The following ADGRF5 variants were observed in gnomAD, a reference collection of about 807,000 sequenced individuals.
ADGRF5 encodes the protein G-protein coupled receptor 116.
A neutral mutation model predicts 132.3 loss-of-function variants in ADGRF5; 75 were observed. That is an observed-to-expected ratio of 0.57 (90% CI 0.47 to 0.69). The LOEUF is 0.69. ADGRF5 is among the 30% of genes least tolerant of loss of function. ADGRF5 has a pLI of 0.00. For missense variants in ADGRF5, 1,516 were observed against 1,630.6 expected, an observed-to-expected ratio of 0.93 and a Z score of 1.21; for synonymous variants, 629 against 597.6, an observed-to-expected ratio of 1.05 and a Z score of -0.77.
chr6:46,869,944 TA>T (rs1331136702), intron 11 of ADGRF5, among the ~76,000 whole-genome samples: 1 of 152,036 alleles, frequency 6.6e-6, no homozygotes, highest in Non-Finnish European at 1.5e-5. Flanking sequence ...AAAATATTAA[TA>T]AGACTATTAC....
chr6:46,872,896 C>T (rs1000127794), intron 10 of ADGRF5, among the ~76,000 whole-genome samples: 4 of 152,102 alleles, frequency 2.6e-5, no homozygotes, highest in African/African-American at 4.8e-5. Flanking sequence ...CTTTTTCAGC[C>T]GTGGCTGATC....
At chr6:46,884,958 T>C (rs190356156) in intron 4 of ADGRF5, among the ~76,000 whole-genome samples, 268 of 152,202 alleles carry the variant, frequency 1.8e-3, no homozygotes, top group Non-Finnish European at 2.7e-3. Flanking sequence ...ATCCCAGCAC[T>C]TGGGAGGCCA....
intron 1 of ADGRF5, chr6:46,909,164 C>G (rs1217286501): frequency 2.6e-5 from 4 of 152,066 alleles, no homozygotes; most frequent in Non-Finnish European, 4.4e-5. Flanking sequence ...AAATATGGAG[C>G]AGCATCCCAT....
intron 3 of ADGRF5, among the ~76,000 whole-genome samples, chr6:46,897,569 A>G (rs1581904833): frequency 6.6e-6 from 1 of 152,016 alleles, no homozygotes; most frequent in Non-Finnish European, 1.5e-5. Context: ...TTTCCTGGAG[A>G]GTCGTGTTCT....
rs1355801633 is a variant in ADGRF5 at position 46,853,896 on chromosome 6, G to T, written c.*96C>A. 9.7e-5 allele frequency: 79 copies of T among 816,802 alleles called. No homozygotes were observed. In the East Asian group the frequency reaches 2.2e-3, roughly 23 times the overall value. The allele number at this position is 816,802 out of a possible 1,614,324, so 50.6% of individuals were successfully genotyped here. A position where few individuals can be genotyped will look rare whatever the true frequency, so the allele number is the denominator to read the frequency against. ...TTTTGGCATCTGCTCCCGGAAACCT[G>T]CCCCGAGAACACGTTCCCCATTGCT... On this transcript the variant is annotated 3_prime_UTR_variant, in exon 21 of 21. Transcript: ENST00000283296.
At chr6:46,864,738 A>G (rs1770205347) in intron 14 of ADGRF5, among the ~76,000 whole-genome samples, 1 of 151,982 alleles carries the variant, frequency 6.6e-6, no homozygotes, top group South Asian at 2.1e-4. Context: ...GTTAGCCAGG[A>G]TGGTCTTGAT....
chr6:46,910,190 C>G (rs894419969), intron 1 of ADGRF5, among the ~76,000 whole-genome samples: 11 of 152,054 alleles, frequency 7.2e-5, no homozygotes, highest in African/African-American at 2.7e-4. Context: ...AAGAGATCTA[C>G]CAATGATTCT....
At chr6:46,905,840 C>T (rs1302601393) in intron 2 of ADGRF5, among the ~76,000 whole-genome samples, 1 of 152,092 alleles carries the variant, frequency 6.6e-6, no homozygotes, top group African/African-American at 2.4e-5. Context: ...AGTCACATAA[C>T]ATTTATTATG....
At chr6:46,901,653 A>G (rs754982438) in intron 2 of ADGRF5, among the ~76,000 whole-genome samples, 1 of 152,194 alleles carries the variant, frequency 6.6e-6, no homozygotes, top group Non-Finnish European at 1.5e-5. Context: ...GCAGAGCAGG[A>G]TTCAAACCCA....
At chr6:46,953,557 G>T (rs1778577204) in intron 1 of ADGRF5, among the ~76,000 whole-genome samples, 1 of 150,362 alleles carries the variant, frequency 6.7e-6, no homozygotes, top group Non-Finnish European at 1.5e-5. Context: ...AAGAGGCAGA[G>T]GTTGTGCTGA....
At chr6:46,885,849 A>G (rs537640606) in intron 4 of ADGRF5, among the ~76,000 whole-genome samples, 1 of 152,372 alleles carries the variant, frequency 6.6e-6, no homozygotes, top group East Asian at 1.9e-4. Flanking sequence ...ACCAACACTC[A>G]TCAATACTTC....
chr6:46,869,093 C>T lies in ADGRF5; in HGVS notation c.1412-1G>A. 6.2e-7 allele frequency: 1 copy of T among 1,612,798 alleles called. No individual in the cohort carries two copies. The highest frequency in any genetic ancestry group is 8.5e-7 in the Non-Finnish European group (1 of 1,179,398). On this transcript the variant is annotated splice_acceptor_variant, in intron 11 of 20. Coordinates refer to ENST00000283296, the MANE Select transcript of ADGRF5 (RefSeq NM_001098518.2). LOFTEE classifies it high-confidence loss of function. ...GGGTCCGGGGTTATTGTTAGATTGGCTGAAAAAAAGGCAAACAAAACAGAC... is the reference window on the plus strand; with the variant it reads ...GGGTCCGGGGTTATTGTTAGATTGGTTGAAAAAAAGGCAAACAAAACAGAC...
At chr6:46,874,872 A>G (rs1771471857) in intron 10 of ADGRF5, among the ~76,000 whole-genome samples, 1 of 152,198 alleles carries the variant, frequency 6.6e-6, no homozygotes, top group Admixed American at 6.5e-5. Context: ...AGGTTTGGAG[A>G]CATTTTTGGT....
Position 46,906,607 on chromosome 6 carries a change from G to A in ADGRF5, c.102+54C>T, listed in dbSNP as rs1051128746. On this transcript the variant is annotated intron_variant, in intron 2 of 20. Coordinates refer to ENST00000283296, the MANE Select transcript of ADGRF5 (RefSeq NM_001098518.2). ...TTTTTGTAAGAACCATTGTCAGTCAGGAAATCAGAAAAATGTGACAAGAAA... is the reference window on the plus strand; with the variant it reads ...TTTTTGTAAGAACCATTGTCAGTCAAGAAATCAGAAAAATGTGACAAGAAA... The A allele has an allele frequency of 2.0e-5, 19 of 943,290 alleles. No homozygotes were observed. The African/African-American group carries it at 3.2e-4, about 16-fold the overall frequency. 58.4% of individuals were successfully genotyped at this position (943,290 alleles called of 1,614,324 possible).
chr6:46,954,435 CAAAA>C (rs67742847), intron 1 of ADGRF5, among the ~76,000 whole-genome samples: 2 of 95,770 alleles, frequency 2.1e-5, no homozygotes, highest in Admixed American at 1.1e-4. Context: ...ATGCAGAAGC[CAAAA>C]AAAAAAAAAA....
chr6:46,924,099 C>T (rs1246270390), upstream of ADGRF5, among the ~76,000 whole-genome samples: 1 of 152,196 alleles, frequency 6.6e-6, no homozygotes, highest in African/African-American at 2.4e-5. Flanking sequence ...TACATATTTT[C>T]CAGCATGTTC....
intron 14 of ADGRF5, among the ~76,000 whole-genome samples, chr6:46,864,218 C>T (rs557487): frequency 0.84 from 127,201 of 152,162 alleles, 54,973 homozygotes; most frequent in East Asian, 0.99. Flanking sequence ...GGGGAGCTCC[C>T]CAACATGGGC....
chr6:46,927,029 C>G (rs1777285748), intron 1 of ADGRF5, among the ~76,000 whole-genome samples: 2 of 152,116 alleles, frequency 1.3e-5, no homozygotes, highest in Non-Finnish European at 1.5e-5. Flanking sequence ...CAGGCAGAAT[C>G]CTGGTTTGGG....
chr6:46,933,688 T>A (rs1000729354), intron 1 of ADGRF5, among the ~76,000 whole-genome samples: 8 of 152,202 alleles, frequency 5.3e-5, no homozygotes, highest in African/African-American at 1.9e-4. Context: ...TTGTACAGAT[T>A]GTCGTCGGGC....
Sources: allele counts gnomAD v4.1 joint callset (sites outside exome capture counted in the v4.1 genomes callset), GRCh38; gene constraint gnomAD v4.1.1; transcripts MANE v1.5; gene names NCBI Gene and HGNC (gene_info 2026-07-23, HGNC 2026-07-21).